DNAH6: variants seen among roughly 807,000 people sequenced by gnomAD.
DNAH6 encodes dynein axonemal heavy chain 6, also known as axonemal beta dynein heavy chain 6.
A neutral mutation model predicts 491.4 loss-of-function variants in DNAH6; 340 were observed. That is an observed-to-expected ratio of 0.69 (90% CI 0.63 to 0.76). The LOEUF is 0.76. Among genes scored for constraint, DNAH6 ranks in the 30% least tolerant of loss-of-function variants. The probability of loss-of-function intolerance (pLI) is 0.00; values close to 1 mark genes in which losing one functional copy is unlikely to be tolerated. For missense variants in DNAH6, 4,443 were observed against 4,972.2 expected, an observed-to-expected ratio of 0.89 and a Z score of 3.20; for synonymous variants, 1,603 against 1,686.1, an observed-to-expected ratio of 0.95 and a Z score of 1.21.
At position 84,605,529 on chromosome 2, in the gene DNAH6, T is replaced by C. The variant is rs763616379; in HGVS notation, c.3111T>C (p.Phe1037=). The C allele has an allele frequency of 7.7e-6, 12 of 1,551,570 alleles. No individual in the cohort carries two copies. Among genetic ancestry groups the C allele is most frequent in the Non-Finnish European group, 1.0e-5 (12 of 1,146,902 alleles). ...AGGACTCTTGGAAAACAACTGAATT[T>C]GTCATTCTGCCTCACCGTGACTCCA... is the stretch of plus-strand genomic sequence containing the variant. ...KVEDSWKTTE[F]VILPHRDSKD... is the part of the protein sequence containing the mutation. Residue 1037 remains phenylalanine, a synonymous_variant, in exon 20 of 77, where the codon TTT becomes TTC. Coordinates refer to ENST00000389394, the MANE Select transcript of DNAH6 (RefSeq NM_001370.2).
chr2:84,524,411 A>T (rs1170892158), intron 2 of DNAH6, among the ~76,000 whole-genome samples: 1 of 151,334 alleles, frequency 6.6e-6, no homozygotes, highest in African/African-American at 2.4e-5. Flanking sequence ...CAACTTGCCA[A>T]ACAGGTTATT....
At chr2:84,594,166 T>C in intron 17 of DNAH6, 81 bp downstream of exon 17, 1 of 763,860 alleles carries the variant, frequency 1.3e-6, no homozygotes, top group Non-Finnish European at 2.1e-6. Context: ...ATTATAACTT[T>C]TAACAATCTG....
chr2:84,508,525 G>C, the DNAH6 span, among the ~76,000 whole-genome samples: 1 of 152,128 alleles, frequency 6.6e-6, no homozygotes, highest in South Asian at 2.1e-4. Context: ...CCAGCTCCAG[G>C]ATTCATTGAT....
intron 70 of DNAH6, among the ~76,000 whole-genome samples, chr2:84,800,520 C>A (rs574656538): frequency 6.6e-5 from 10 of 152,172 alleles, no homozygotes; most frequent in African/African-American, 2.4e-4. Flanking sequence ...GAGAAATAAT[C>A]CAAGGTTTGA....
chr2:84,537,461 C>G (rs951097190), intron 4 of DNAH6, among the ~76,000 whole-genome samples: 11 of 152,050 alleles, frequency 7.2e-5, no homozygotes, highest in African/African-American at 2.7e-4. Flanking sequence ...CTTTTTGCAT[C>G]TGAGTTGACA....
At chr2:84,794,420 C>A (rs1182227562) in intron 68 of DNAH6, among the ~76,000 whole-genome samples, 2 of 151,298 alleles carry the variant, frequency 1.3e-5, no homozygotes, top group African/African-American at 4.8e-5. Flanking sequence ...ATTTTTGCAA[C>A]CTACTCATCT....
At chr2:84,775,966 T>C (rs1676082115) in intron 64 of DNAH6, among the ~76,000 whole-genome samples, 1 of 152,158 alleles carries the variant, frequency 6.6e-6, no homozygotes, top group Admixed American at 6.5e-5. Context: ...AAACAAACTG[T>C]TTTATTAATT....
chr2:84,769,347 G>A (rs1361505510), intron 64 of DNAH6, among the ~76,000 whole-genome samples: 2 of 152,240 alleles, frequency 1.3e-5, no homozygotes, highest in East Asian at 3.8e-4. Flanking sequence ...AGCATGGGCT[G>A]GAACCTGACA....
At chr2:84,759,802 G>A (rs776401907) in intron 63 of DNAH6, among the ~76,000 whole-genome samples, 12 of 151,926 alleles carry the variant, frequency 7.9e-5, no homozygotes, top group Non-Finnish European at 1.6e-4. Flanking sequence ...ACCCCAAATA[G>A]CCAATGCAAT....
the DNAH6 span, among the ~76,000 whole-genome samples, chr2:84,481,031 T>C: frequency 1.3e-5 from 2 of 151,914 alleles, no homozygotes; most frequent in African/African-American, 4.8e-5. Flanking sequence ...CACAGTTCCA[T>C]CCAAATCCTT....
At chr2:84,561,047 A>T (rs1162071680) in intron 11 of DNAH6, among the ~76,000 whole-genome samples, 1 of 151,816 alleles carries the variant, frequency 6.6e-6, no homozygotes. Flanking sequence ...TGACTTCCAC[A>T]ATGGTTGAAC....
chr2:84,473,582 A>G, the DNAH6 span, among the ~76,000 whole-genome samples: 1,627 of 152,352 alleles, frequency 0.011, 43 homozygotes, highest in African/African-American at 0.037. Flanking sequence ...TGTTAAGGTT[A>G]GAATCACCTC....
chr2:84,573,320 A>G lies in DNAH6; in HGVS notation c.1804-147A>G, dbSNP rs1193762277. The G allele has an allele frequency of 7.0e-6, 4 of 572,200 alleles. No homozygotes were observed. In the Admixed American group the frequency reaches 1.2e-4, roughly 17 times the overall value. The allele number at this position is 572,200 out of a possible 1,614,324, so 35.4% of individuals were successfully genotyped here. On this transcript the variant is annotated intron_variant, in intron 11 of 76. Coordinates refer to ENST00000389394, the MANE Select transcript of DNAH6 (RefSeq NM_001370.2). The stretch of plus-strand genomic sequence containing the variant: ...AATTACTCCTCGACATCAAGAATAT[A>G]TCTTTCTTCATTCATGTTTCCCAAA...
chr2:84,773,264 G>A (rs1675809810), intron 64 of DNAH6, among the ~76,000 whole-genome samples: 1 of 151,928 alleles, frequency 6.6e-6, no homozygotes, highest in South Asian at 2.1e-4. Flanking sequence ...CAATCTTTAT[G>A]TCCATGTGTA....
Position 84,745,097 on chromosome 2 carries a change from A to G in DNAH6, c.10360A>G (p.Ile3454Val). Residue 3454 changes from isoleucine to valine, a missense_variant, in exon 63 of 77, where the codon ATT becomes GTT. Around this residue, in one of 3 missense-constraint regions of DNAH6, gnomAD observed 1,463 missense variants for 1,656.6 expected, o/e 0.88. Coordinates refer to ENST00000389394, the MANE Select transcript of DNAH6 (RefSeq NM_001370.2). ...ATTTCCAGGATCTTTTGAGACTTAT[A>G]TTAACCCACAGAAATGGGAAGGCTA... is the stretch of plus-strand genomic sequence containing the variant. Reference protein sequence around the residue: ...SIRLGSFETYINPQKWEGYSK... With the variant: ...SIRLGSFETYVNPQKWEGYSK... 1 of 1,529,516 alleles carries G rather than the reference A, an allele frequency of 6.5e-7. No individual in the cohort carries two copies. The highest frequency in any genetic ancestry group is 8.8e-7 in the Non-Finnish European group (1 of 1,137,060). 94.7% of individuals were successfully genotyped at this position (1,529,516 alleles called of 1,614,324 possible).
At chr2:84,597,633 G>A (rs578167926) in intron 18 of DNAH6, among the ~76,000 whole-genome samples, 9 of 152,306 alleles carry the variant, frequency 5.9e-5, no homozygotes, top group Admixed American at 2.6e-4. Context: ...AATTGAAAAC[G>A]TGTGTTCACG....
At chr2:84,661,084 T>C (rs1162406259) in intron 37 of DNAH6, among the ~76,000 whole-genome samples, 2 of 152,164 alleles carry the variant, frequency 1.3e-5, no homozygotes, top group Non-Finnish European at 2.9e-5. Context: ...TGTCCTTTTG[T>C]CTTCATCCTT....
intron 21 of DNAH6, among the ~76,000 whole-genome samples, chr2:84,610,174 G>A (rs146764047): frequency 1.7e-4 from 26 of 152,116 alleles, no homozygotes. Context: ...CTGGCACTCA[G>A]CTAGAGGCCA....
At chr2:84,755,938 T>A (rs1673966298) in intron 63 of DNAH6, among the ~76,000 whole-genome samples, 1 of 152,168 alleles carries the variant, frequency 6.6e-6, no homozygotes, top group Non-Finnish European at 1.5e-5. Context: ...CGAGATCTGA[T>A]TGTTTTAAAA....
Sources: gnomAD v4.1 joint callset for allele counts (sites outside exome capture counted in the v4.1 genomes callset) on GRCh38, gnomAD v4.1.1 for gene constraint, gnomAD v4.1.1 regional missense constraint, MANE v1.5 for transcripts, NCBI Gene and HGNC (gene_info 2026-07-23, HGNC 2026-07-21) for gene names.